The following SAP130 variants were observed in gnomAD, a reference collection of about 807,000 sequenced individuals.
The protein encoded by SAP130 is Sin3A associated protein 130, also known as histone deacetylase complex subunit SAP130.
In SAP130, 16 loss-of-function variants were observed where a neutral mutation model predicts 103.2. The observed-to-expected ratio is 0.16, with a 90% CI of 0.10 to 0.24. SAP130 has a LOEUF of 0.24. Among genes scored for constraint, SAP130 ranks in the 10% least tolerant of loss-of-function variants. The probability of loss-of-function intolerance (pLI) is 1.00; values close to 1 mark genes in which losing one functional copy is unlikely to be tolerated. For missense variants in SAP130, 990 were observed against 1,359.7 expected, an observed-to-expected ratio of 0.73 and a Z score of 4.28; for synonymous variants, 477 against 497.0, an observed-to-expected ratio of 0.96 and a Z score of 0.53.
chr2:127,953,474 T>G lies in SAP130; in HGVS notation c.2422+1512A>C, dbSNP rs1284944310. Among the ~76,000 whole-genome samples the G allele has an allele frequency of 3.3e-5, 5 of 152,192 alleles. No individual in the cohort carries two copies. Among genetic ancestry groups the G allele is most frequent in the Non-Finnish European group, 7.4e-5 (5 of 68,016 alleles). The stretch of plus-strand genomic sequence containing the variant: ...CCTAAGTGAGTGCTTGGCACTGCTC[T>G]GCTCACACTCCCTGCTCTGCTCCAA... On this transcript the variant is annotated intron_variant, in intron 16 of 20. Transcript: ENST00000643581. The surrounding 1 kb of genome is among the most constrained non-coding windows in gnomAD (Gnocchi z 4.0).
At chr2:128,019,054 G>A (rs1684977917) in intron 2 of SAP130, among the ~76,000 whole-genome samples, 2 of 151,854 alleles carry the variant, frequency 1.3e-5, no homozygotes, top group South Asian at 4.2e-4. Flanking sequence ...AGCTGAGATT[G>A]CGCCACTGCA....
In SAP130 at chr2:127,949,999, TAAAGAG is replaced by T. The variant is rs760671633; in HGVS notation, c.2672-11_2672-6del. ...CATATCTCACACCTTCCTCATCTGT[TAAAGAG>T]AAGACATTAAACAACTTAGTAACAC... On this transcript the variant is annotated splice_region_variant and splice_polypyrimidine_tract_variant and intron_variant, in intron 17 of 20. Transcript: ENST00000643581. 1.4e-4 allele frequency: 223 copies of T among 1,613,674 alleles called. No individual in the cohort carries two copies. Among genetic ancestry groups the T allele is most frequent in the Non-Finnish European group, 1.8e-4 (208 of 1,179,918 alleles).
At position 127,986,775 on chromosome 2, in the gene SAP130, G is replaced by A; in HGVS notation, c.1958+10C>T. 6.2e-7 allele frequency: 1 copy of A among 1,612,404 alleles called. No homozygotes were observed. The highest frequency in any genetic ancestry group is 8.5e-7 in the Non-Finnish European group (1 of 1,178,878). ...CAGAGGTGTCATTCGGCACTACCAG[G>A]TCTACTCACCCATCTGTGGCAGGTT... On this transcript the variant is annotated intron_variant, in intron 14 of 20. Transcript: ENST00000643581. The surrounding 1 kb of genome is among the most constrained non-coding windows in gnomAD (Gnocchi z 4.7).
At chr2:127,984,234 T>C (rs982835689) in intron 14 of SAP130, among the ~76,000 whole-genome samples, 2 of 152,238 alleles carry the variant, frequency 1.3e-5, no homozygotes, top group African/African-American at 4.8e-5. Context: ...TGCATAGCAC[T>C]GTGTTACTGT....
chr2:128,012,379 A>G (rs552910012), intron 6 of SAP130, among the ~76,000 whole-genome samples: 1 of 152,240 alleles, frequency 6.6e-6, no homozygotes, highest in Non-Finnish European at 1.5e-5. Context: ...CTGAGGCAGG[A>G]GAATCGCTTG....
rs146030210 is a variant in SAP130, at chr2:128,028,049, G to A, written c.-116C>T. On this transcript the variant is annotated 5_prime_UTR_variant, in exon 1 of 21. Coordinates refer to ENST00000643581, the MANE Select transcript of SAP130 (RefSeq NM_001330301.2). ...CCGGACCCGCAGCCACCGCCGGGGA[G>A]CTAGCACTCTGCCCCCCACCCCTCA... 1.5e-4 allele frequency: 131 copies of A among 885,334 alleles called. 1 individual carries two copies. The Middle Eastern group carries it at 5.3e-3, about 36-fold the overall frequency. 54.8% of individuals were successfully genotyped at this position (885,334 alleles called of 1,614,324 possible).
At chr2:128,012,894 T>A (rs1278637480) in intron 6 of SAP130, 136 bp downstream of exon 6, 23 of 779,628 alleles carry the variant, frequency 3.0e-5, no homozygotes, top group Non-Finnish European at 4.1e-5. Context: ...GCTTGCCACA[T>A]GACACTGTGC....
intron 15 of SAP130, among the ~76,000 whole-genome samples, chr2:127,957,818 AAG>A (rs1208650939): frequency 3.9e-5 from 6 of 152,210 alleles, no homozygotes; most frequent in African/African-American, 7.2e-5. Flanking sequence ...TAGAAAGAAA[AAG>A]AGAGAAGAGA....
chr2:128,001,295 G>A (rs1429891410), intron 7 of SAP130, among the ~76,000 whole-genome samples: 1 of 152,102 alleles, frequency 6.6e-6, no homozygotes, highest in Non-Finnish European at 1.5e-5. Flanking sequence ...ATCCCAGCAG[G>A]AGGACCGCTT....
intron 7 of SAP130, among the ~76,000 whole-genome samples, chr2:128,003,956 G>GTTTTTTTTTTT (rs1559088445): frequency 1.9e-5 from 1 of 53,076 alleles, no homozygotes; most frequent in Non-Finnish European, 3.8e-5. Flanking sequence ...CCACAGATCA[G>GTTTTTTTTTTT]CTTTTTTTTT....
chr2:128,015,322 G>A (rs1052000288), intron 4 of SAP130, among the ~76,000 whole-genome samples: 6 of 151,782 alleles, frequency 4.0e-5, no homozygotes, highest in Non-Finnish European at 8.8e-5. Context: ...CTAAGTAAAT[G>A]TCAGTTGGTA....
At chr2:128,013,436 T>C (rs895662853) in intron 5 of SAP130, among the ~76,000 whole-genome samples, 4 of 152,182 alleles carry the variant, frequency 2.6e-5, no homozygotes, top group African/African-American at 9.6e-5. Context: ...GGAACAGCAG[T>C]GTGATGCCAC....
intron 6 of SAP130, among the ~76,000 whole-genome samples, chr2:128,011,128 C>T (rs1295917195): frequency 3.3e-5 from 5 of 151,946 alleles, no homozygotes; most frequent in Admixed American, 3.3e-4. Context: ...GCCATCCAAC[C>T]CAGCACCTCC....
At chr2:127,993,425 A>G (rs1006922258) in intron 11 of SAP130, 117 bp from the exon 12 acceptor site, 1 of 1,140,462 alleles carries the variant, frequency 8.8e-7, no homozygotes, top group Non-Finnish European at 1.2e-6. Flanking sequence ...GCTTTGCTCA[A>G]ATTGTGTCCC....
At chr2:128,014,392 TATCTCAGCCTCCTGAGTGCCATCCTCCC>T (rs879526464) in intron 5 of SAP130, among the ~76,000 whole-genome samples, 34,881 of 145,416 alleles carry the variant, frequency 0.24, 4,643 homozygotes, top group African/African-American at 0.32. Context: ...GCCATCCTCC[TATCTCAGCCTCCTGAGTGCCATCCTCCC>T]ATCTCAGCCT....
rs113322982 is a variant in SAP130, at chr2:127,986,038, G to A, written c.1958+747C>T. Among the ~76,000 whole-genome samples the A allele has an allele frequency of 6.0e-3, 907 of 152,240 alleles. 18 individuals carry two copies. The highest frequency in any genetic ancestry group is 2.6e-3 in the Non-Finnish European group (180 of 68,026). ...TCCCTTCTGGCTTCCCCCATCTGCTGAGAGCTACTTCTACTCAGTAAAACC... is the reference window on the plus strand; with the variant it reads ...TCCCTTCTGGCTTCCCCCATCTGCTAAGAGCTACTTCTACTCAGTAAAACC... On this transcript the variant is annotated intron_variant, in intron 14 of 20. Coordinates refer to ENST00000643581, the MANE Select transcript of SAP130 (RefSeq NM_001330301.2). This position sits in a 1 kb window ranked among gnomAD's most constrained non-coding sequence, Gnocchi z 4.7.
At chr2:128,008,992 T>C (rs1368357707) in intron 7 of SAP130, among the ~76,000 whole-genome samples, 1 of 151,980 alleles carries the variant, frequency 6.6e-6, no homozygotes, top group African/African-American at 2.4e-5. Context: ...GCCATCACAA[T>C]CTTAAAATGC....
chr2:128,008,484 G>A lies in SAP130; in HGVS notation c.869+1785C>T, dbSNP rs920558067. Among the ~76,000 whole-genome samples the A allele has an allele frequency of 6.1e-5, 9 of 148,222 alleles. No homozygotes were observed. The South Asian group carries it at 8.5e-4, about 14-fold the overall frequency. ...GTGGTCACATGATCCTCCCACTTCC[G>A]TCTCCAAGTACCTAGGGCTATAGGT... On this transcript the variant is annotated intron_variant, in intron 7 of 20. Coordinates refer to ENST00000643581, the MANE Select transcript of SAP130 (RefSeq NM_001330301.2).
At chr2:127,957,330 G>A (rs1325897063) in intron 15 of SAP130, among the ~76,000 whole-genome samples, 1 of 151,776 alleles carries the variant, frequency 6.6e-6, no homozygotes, top group African/African-American at 2.4e-5. Flanking sequence ...AGGCTGAAAG[G>A]GGAAAAAAAA....
Sources: allele counts gnomAD v4.1 joint callset (sites outside exome capture counted in the v4.1 genomes callset), GRCh38; gene constraint gnomAD v4.1.1; non-coding constraint Gnocchi (gnomAD v3.1); transcripts MANE v1.5; gene names NCBI Gene and HGNC (gene_info 2026-07-23, HGNC 2026-07-21).